Variants in GPS1 observed in about 807,000 individuals in gnomAD.
GPS1 encodes the protein COP9 signalosome complex subunit 1.
Under a neutral mutation model 60.0 loss-of-function variants are expected in GPS1, and 11 were observed. The ratio of observed to expected loss-of-function variants is 0.18; its 90% confidence interval spans 0.12 to 0.30. The LOEUF is 0.30. GPS1 is among the 10% of genes least tolerant of loss of function. The pLI, the probability that GPS1 is intolerant of heterozygous loss-of-function variation, is 1.00. For synonymous variants in GPS1, 343 were observed against 269.8 expected (o/e 1.27, Z -2.66); for missense variants, 543 against 669.2 (o/e 0.81, Z 2.08).
upstream of GPS1, chr17:82,051,661 C>G: frequency 1.0e-6 from 1 of 1,003,196 alleles, no homozygotes; most frequent in South Asian, 4.6e-5. This position sits in a 1 kb window ranked among gnomAD's most constrained non-coding sequence, Gnocchi z 4.1. Flanking sequence ...GGGGTCCGGG[C>G]CGGGGCGGGC....
chr17:82,052,438 G>A, intron 1 of GPS1: 1 of 1,611,644 alleles, frequency 6.2e-7, no homozygotes, highest in South Asian at 1.1e-5. Flanking sequence ...CCAGCCTGTC[G>A]GCCTGTACGC....
upstream of GPS1, chr17:82,051,627 G>A (rs2030625687): frequency 1.1e-5 from 13 of 1,160,636 alleles, no homozygotes; most frequent in Admixed American, 4.8e-5. The surrounding 1 kb of genome is among the most constrained non-coding windows in gnomAD (Gnocchi z 4.1). Flanking sequence ...GGGCCGGGAC[G>A]GGGGCGCGCG....
chr17:82,053,086 T>C, intron 1 of GPS1, 188 bp from the exon 2 acceptor site: 7 of 392,970 alleles, frequency 1.8e-5, no homozygotes, highest in Non-Finnish European at 2.6e-5. Context: ...CCTGATGTGG[T>C]GGCACAGGAG....
rs531134919 is a variant in GPS1, at chr17:82,053,481, C to G, written c.126+115C>G. The stretch of plus-strand genomic sequence containing the variant: ...AATGATCCTCCTCAGTGATCGCTGT[C>G]GTCTTTTTCTGACCCCGAAACCATC... On this transcript the variant is annotated intron_variant, in intron 2 of 12. Transcript: ENST00000578552. 4 of 767,522 alleles carry G rather than the reference C, an allele frequency of 5.2e-6. No homozygotes were observed. In the East Asian group the frequency reaches 9.8e-5, roughly 19 times the overall value. 47.5% of individuals were successfully genotyped at this position (767,522 alleles called of 1,614,324 possible). A position where few individuals can be genotyped will look rare whatever the true frequency, so the allele number is the denominator to read the frequency against.
In GPS1 at chr17:82,056,739, C is replaced by A; in HGVS notation, c.1227C>A (p.Ile409=). The A allele has an allele frequency of 6.3e-7, 1 of 1,587,328 alleles. No homozygotes were observed. The highest frequency in any genetic ancestry group is 1.2e-5 in the South Asian group (1 of 86,738). ...ELTQLILEGL[I]SARVDSHSKI... is the part of the protein sequence containing the mutation. Reference sequence around the variant, plus strand: ...CGCAGCTAATCCTGGAGGGGCTGATCAGTGCCCGTGTGGACTCACACAGCA... The same window carrying A: ...CGCAGCTAATCCTGGAGGGGCTGATAAGTGCCCGTGTGGACTCACACAGCA... Residue 409 remains isoleucine, a synonymous_variant, in exon 11 of 13, where the codon ATC becomes ATA. Coordinates refer to ENST00000578552, the MANE Select transcript of GPS1 (RefSeq NM_001321092.3).
chr17:82,054,134 C>T, intron 3 of GPS1, 85 bp downstream of exon 3: 1 of 1,409,028 alleles, frequency 7.1e-7, no homozygotes, highest in Non-Finnish European at 9.5e-7. Context: ...CTGTGCCCTG[C>T]ATCTCCCACC....
chr17:82,054,813 C>A lies in GPS1; in HGVS notation c.609+3C>A. On this transcript the variant is annotated splice_donor_region_variant and intron_variant, in intron 4 of 12. Transcript: ENST00000578552. ...ACATGTGCCTCAATGTCATCAAGGTCGGCCTGCCTCGGCGGGCGGGGGTGG... is the reference window on the plus strand; with the variant it reads ...ACATGTGCCTCAATGTCATCAAGGTAGGCCTGCCTCGGCGGGCGGGGGTGG... 1 of 1,588,238 alleles carries A rather than the reference C, an allele frequency of 6.3e-7. No homozygotes were observed. The highest frequency in any genetic ancestry group is 8.6e-7 in the Non-Finnish European group (1 of 1,165,106).
chr17:82,051,407 C>T, upstream of GPS1: 2 of 1,401,822 alleles, frequency 1.4e-6, no homozygotes, highest in South Asian at 1.7e-5. The surrounding 1 kb of genome is among the most constrained non-coding windows in gnomAD (Gnocchi z 4.1). Flanking sequence ...ACCCGCCCCG[C>T]GCGGAGCCTC....
chr17:82,052,262 G>A (rs756941562), intron 1 of GPS1: 6 of 1,609,804 alleles, frequency 3.7e-6, no homozygotes, highest in Admixed American at 1.7e-5. Flanking sequence ...TCAGCAGCCA[G>A]CCAGCTCTGT....
chr17:82,053,639 G>A, intron 2 of GPS1: 1 of 559,180 alleles, frequency 1.8e-6, no homozygotes, highest in Non-Finnish European at 3.1e-6. Context: ...ATCCCCGAAA[G>A]CCCCCGGGTG....
In GPS1 at chr17:82,057,424, A is replaced by G; in HGVS notation, c.*297A>G. On this transcript the variant is annotated 3_prime_UTR_variant, in exon 13 of 13. Coordinates refer to ENST00000578552, the MANE Select transcript of GPS1 (RefSeq NM_001321092.3). ...GACCCCTCCTGTTCCCGCCTCAGTC[A>G]GGTGCAGACAAGTGGGCGGTGTCCA... The G allele has an allele frequency of 1.7e-6, 1 of 603,770 alleles. No homozygotes were observed. Among genetic ancestry groups the G allele is most frequent in the Non-Finnish European group, 3.1e-6 (1 of 319,828 alleles). The allele number at this position is 603,770 out of a possible 1,614,324, so 37.4% of individuals were successfully genotyped here. A position where few individuals can be genotyped will look rare whatever the true frequency, so the allele number is the denominator to read the frequency against.
At chr17:82,052,779 T>C (rs1253956038) in intron 1 of GPS1, 1 of 396,234 alleles carries the variant, frequency 2.5e-6, no homozygotes, top group African/African-American at 2.0e-5. Context: ...GAGATGACTC[T>C]TTTCCCCTTC....
intron 8 of GPS1, 71 bp downstream of exon 8, chr17:82,056,166 A>T: frequency 7.0e-7 from 1 of 1,424,334 alleles, no homozygotes; most frequent in Middle Eastern, 2.0e-4. Context: ...TCGGCCTTGC[A>T]TGTCCTGGCC....
At chr17:82,053,822 G>A in intron 2 of GPS1, 46 bp from the exon 3 acceptor site, 1 of 1,567,588 alleles carries the variant, frequency 6.4e-7, no homozygotes, top group South Asian at 1.2e-5. Context: ...TGGGGCCAGG[G>A]TCCTGCCTCC....
chr17:82,051,448 A>G, upstream of GPS1: 1 of 1,335,526 alleles, frequency 7.5e-7, no homozygotes, highest in Non-Finnish European at 9.6e-7. The surrounding 1 kb of genome is among the most constrained non-coding windows in gnomAD (Gnocchi z 4.1). Context: ...AGACCCTGGG[A>G]GGCGGGGCGG....
intron 1 of GPS1, chr17:82,052,538 G>A (rs1354278316): frequency 2.0e-6 from 3 of 1,501,120 alleles, no homozygotes; most frequent in African/African-American, 1.4e-5. Context: ...CTGGGCCCCT[G>A]CTGCTCTGCT....
upstream of GPS1, chr17:82,051,546 C>T: frequency 7.2e-7 from 1 of 1,398,210 alleles, no homozygotes; most frequent in African/African-American, 1.5e-5. This position sits in a 1 kb window ranked among gnomAD's most constrained non-coding sequence, Gnocchi z 4.1. Context: ...CAGCCGCAGG[C>T]GCGGCCCGTG....
upstream of GPS1, chr17:82,051,858 C>CCGCCCCG: frequency 4.3e-6 from 5 of 1,152,936 alleles, no homozygotes; most frequent in Non-Finnish European, 5.3e-6. This position sits in a 1 kb window ranked among gnomAD's most constrained non-coding sequence, Gnocchi z 4.1. Context: ...CGGCCCCGCC[C>CCGCCCCG]CGCCCCGCGC....
intron 3 of GPS1, 175 bp downstream of exon 3, chr17:82,054,224 C>G (rs1037695177): frequency 3.2e-5 from 25 of 769,476 alleles, no homozygotes; most frequent in East Asian, 1.9e-4. Context: ...TGTGTGGCTT[C>G]TGTGTGTGTG....
Sources: gnomAD v4.1 joint callset for allele counts on GRCh38, gnomAD v4.1.1 for gene constraint, Gnocchi (gnomAD v3.1) non-coding constraint, MANE v1.5 for transcripts, NCBI Gene and HGNC (gene_info 2026-07-23, HGNC 2026-07-21) for gene names.